Variants in ATG7 observed in about 807,000 individuals in gnomAD.
ATG7 encodes the protein autophagy related 7, also known as ubiquitin-like modifier-activating enzyme ATG7.
In ATG7, 70 loss-of-function variants were observed where a neutral mutation model predicts 82.4. That is an observed-to-expected ratio of 0.85 (90% CI 0.70 to 1.04). The LOEUF is 1.04. ATG7 is among the 50% of genes least tolerant of loss of function. The probability of loss-of-function intolerance (pLI) is 0.00; values close to 1 mark genes in which losing one functional copy is unlikely to be tolerated. For synonymous variants in ATG7, 287 were observed against 313.0 expected, an observed-to-expected ratio of 0.92 and a Z score of 0.88; for missense variants, 792 against 864.3, an observed-to-expected ratio of 0.92 and a Z score of 1.05.
Position 11,381,901 on chromosome 3 carries a change from A to G in ATG7, c.1956+1849A>G, listed in dbSNP as rs80068819. On this transcript the variant is annotated intron_variant, in intron 19 of 20. Coordinates refer to ENST00000693202, the MANE Select transcript of ATG7 (RefSeq NM_001349232.2). The stretch of plus-strand genomic sequence containing the variant: ...TTTGCTTAGGAGATTGTCATTCTCT[A>G]TTATCTGCAAACCCAACATTAATAC... Among the ~76,000 whole-genome samples, 1,344 of 152,316 alleles carry G rather than the reference A, an allele frequency of 8.8e-3. 19 individuals are homozygous for G. The highest frequency in any genetic ancestry group is 0.031 in the African/African-American group (1,277 of 41,572).
At chr3:11,389,873 T>C (rs986124348) in intron 19 of ATG7, among the ~76,000 whole-genome samples, 11 of 152,262 alleles carry the variant, frequency 7.2e-5, no homozygotes, top group African/African-American at 2.7e-4. Flanking sequence ...AAGAACTCTA[T>C]TGACCTTCCA....
downstream of ATG7, chr3:11,558,475 A>ATTT: frequency 3.2e-5 from 25 of 789,710 alleles, no homozygotes; most frequent in South Asian, 7.9e-5. Flanking sequence ...CACCCCCATG[A>ATTT]TTTTTTTTTT....
chr3:11,440,570 C>T (rs1423471314), intron 20 of ATG7, among the ~76,000 whole-genome samples: 10 of 150,526 alleles, frequency 6.6e-5, no homozygotes, highest in Non-Finnish European at 5.9e-5. Context: ...GTGATCCGCC[C>T]GCCTCGGCCT....
At chr3:11,277,890 GAC>G (rs1491208453) in intron 1 of ATG7, among the ~76,000 whole-genome samples, 1 of 48,090 alleles carries the variant, frequency 2.1e-5, no homozygotes, top group African/African-American at 1.1e-4. Context: ...GCCCTTTATA[GAC>G]CCCCCCCCCC....
chr3:11,496,775 A>G (rs569843964), intron 20 of ATG7, among the ~76,000 whole-genome samples: 1 of 152,352 alleles, frequency 6.6e-6, no homozygotes, highest in African/African-American at 2.4e-5. Context: ...AAGCTGGAAA[A>G]GAAAAATAAA....
intron 19 of ATG7, among the ~76,000 whole-genome samples, chr3:11,410,856 T>G (rs1422920867): frequency 2.0e-5 from 3 of 152,228 alleles, no homozygotes; most frequent in Non-Finnish European, 4.4e-5. Context: ...TTGTGAATAA[T>G]GCTGTTATGT....
In ATG7 at chr3:11,435,967, G is replaced by T. The variant is rs575507462; in HGVS notation, c.2079+9041G>T. Among the ~76,000 whole-genome samples the T allele has an allele frequency of 2.0e-5, 3 of 152,272 alleles. No homozygotes were observed. The South Asian group carries it at 6.2e-4, about 32-fold the overall frequency. ...AGGGAACTCTAAGCTGGGTGTGGTG[G>T]CATGTGCCTACAGTCCCAGCTGCTT... is the stretch of plus-strand genomic sequence containing the variant. On this transcript the variant is annotated intron_variant, in intron 20 of 20. Transcript: ENST00000693202.
chr3:11,557,443 A>C lies in ATG7; in HGVS notation c.*2600A>C, dbSNP rs1471309499. 6.5e-6 allele frequency: 1 copy of C among 152,684 alleles called. No homozygotes were observed. The highest frequency in any genetic ancestry group is 1.5e-5 in the Non-Finnish European group (1 of 68,046). The allele number at this position is 152,684 out of a possible 1,614,324, so 9.5% of individuals were successfully genotyped here. On this transcript the variant is annotated 3_prime_UTR_variant, in exon 21 of 21. Coordinates refer to ENST00000693202, the MANE Select transcript of ATG7 (RefSeq NM_001349232.2). ...CACCTCCCCTGGGAGCTTGTAACAA[A>C]GCAGACAGGGATGCAAAAATAAATG...
chr3:11,495,767 T>C (rs1167114333), intron 20 of ATG7, among the ~76,000 whole-genome samples: 2 of 152,246 alleles, frequency 1.3e-5, no homozygotes, highest in African/African-American at 4.8e-5. Context: ...GTTTCATAAA[T>C]GTGGTTCTAG....
intron 20 of ATG7, among the ~76,000 whole-genome samples, chr3:11,509,679 A>T (rs1013478416): frequency 6.6e-6 from 1 of 152,012 alleles, no homozygotes; most frequent in African/African-American, 2.4e-5. Flanking sequence ...TAATTTTAAG[A>T]TGTGATTCAC....
intron 20 of ATG7, among the ~76,000 whole-genome samples, chr3:11,483,938 T>C (rs1231357514): frequency 6.6e-6 from 1 of 152,222 alleles, no homozygotes; most frequent in Admixed American, 6.5e-5. Context: ...CAAGAAAGTA[T>C]TGGGATAAAT....
chr3:11,565,261 G>A, the ATG7 span, among the ~76,000 whole-genome samples: 9 of 152,070 alleles, frequency 5.9e-5, no homozygotes, highest in African/African-American at 9.7e-5. The surrounding 1 kb of genome is among the most constrained non-coding windows in gnomAD (Gnocchi z 4.1). Context: ...TGGAGCCCCC[G>A]ACTCAGTGGC....
At chr3:11,525,745 G>T (rs993141149) in intron 20 of ATG7, among the ~76,000 whole-genome samples, 1 of 151,598 alleles carries the variant, frequency 6.6e-6, no homozygotes, top group Non-Finnish European at 1.5e-5. Flanking sequence ...TAGTAGAGAC[G>T]GGGTTTCACC....
chr3:11,511,491 A>ACTCT (rs1453892492), intron 20 of ATG7, among the ~76,000 whole-genome samples: 1 of 151,898 alleles, frequency 6.6e-6, no homozygotes, highest in Admixed American at 6.6e-5. Flanking sequence ...AGATATAAAG[A>ACTCT]CTCTCCATGT....
At chr3:11,314,324 A>G (rs1262422641) in intron 8 of ATG7, among the ~76,000 whole-genome samples, 1 of 152,244 alleles carries the variant, frequency 6.6e-6, no homozygotes, top group Admixed American at 6.5e-5. Context: ...CTTGAAACAC[A>G]TCAATCACTA....
chr3:11,372,389 T>C (rs1230535699), intron 18 of ATG7, among the ~76,000 whole-genome samples: 1 of 151,208 alleles, frequency 6.6e-6, no homozygotes. Context: ...TAACAGGGAC[T>C]TAGGGTTTTC....
chr3:11,433,982 C>T (rs1469918871), intron 20 of ATG7, among the ~76,000 whole-genome samples: 1 of 152,158 alleles, frequency 6.6e-6, no homozygotes, highest in African/African-American at 2.4e-5. Flanking sequence ...CTATAGAACT[C>T]AGAATTCTAG....
chr3:11,559,263 A>C, downstream of ATG7: 1 of 1,464,342 alleles, frequency 6.8e-7, no homozygotes, highest in Non-Finnish European at 9.0e-7. Context: ...TTCAGCCAAC[A>C]GCATGACAGA....
chr3:11,548,829 A>T (rs2071517602), intron 20 of ATG7, among the ~76,000 whole-genome samples: 1 of 152,214 alleles, frequency 6.6e-6, no homozygotes, highest in Non-Finnish European at 1.5e-5. Context: ...ATCATGCAGC[A>T]GGGGATAATA....
Sources: gnomAD v4.1 joint callset for allele counts (sites outside exome capture counted in the v4.1 genomes callset) on GRCh38, gnomAD v4.1.1 for gene constraint, Gnocchi (gnomAD v3.1) non-coding constraint, MANE v1.5 for transcripts, NCBI Gene and HGNC (gene_info 2026-07-23, HGNC 2026-07-21) for gene names.